The following SAP30L variants were observed in gnomAD, a reference collection of about 807,000 sequenced individuals.
The protein encoded by SAP30L is histone deacetylase complex subunit SAP30L.
Under a neutral mutation model 22.3 loss-of-function variants are expected in SAP30L, and 10 were observed. The ratio of observed to expected loss-of-function variants is 0.45; its 90% CI spans 0.28 to 0.76. SAP30L has a LOEUF of 0.76. Among genes scored for constraint, SAP30L ranks in the 30% least tolerant of loss-of-function variants. The pLI, the probability that SAP30L is intolerant of heterozygous loss-of-function variation, is 0.14. For missense variants in SAP30L, 206 were observed against 237.9 expected, an observed-to-expected ratio of 0.87 and a Z score of 0.88; for synonymous variants, 91 against 94.1, an observed-to-expected ratio of 0.97 and a Z score of 0.19.
intron 1 of SAP30L, among the ~76,000 whole-genome samples, chr5:154,448,049 C>T (rs1757062709): frequency 7.3e-6 from 1 of 137,350 alleles, no homozygotes; most frequent in African/African-American, 2.7e-5. Context: ...GATCTCGACT[C>T]ACTGCAACCT....
At position 154,446,368 on chromosome 5, in the gene SAP30L, G is replaced by A; in HGVS notation, c.-237G>A. On this transcript the variant is annotated 5_prime_UTR_variant, in exon 1 of 4. Coordinates refer to ENST00000297109, the MANE Select transcript of SAP30L (RefSeq NM_024632.6). ...CGGGTGACCCCCGGCGGGGCCCTGC[G>A]AGCCGCGGGAGCCGACCCCGGGGCC... 1.0e-5 allele frequency: 4 copies of A among 388,098 alleles called. No individual in the cohort carries two copies. In the East Asian group the frequency reaches 1.2e-4, roughly 11 times the overall value. The allele number at this position is 388,098 out of a possible 1,614,324, so 24.0% of individuals were successfully genotyped here.
rs186496048 is a variant in SAP30L, at chr5:154,447,521, C to G, written c.201+716C>G. Among the ~76,000 whole-genome samples, 33 of 152,340 alleles carry G rather than the reference C, an allele frequency of 2.2e-4. 1 individual carries two copies. The highest frequency in any genetic ancestry group is 1.7e-3 in the Admixed American group (26 of 15,306). On this transcript the variant is annotated intron_variant, in intron 1 of 3. Coordinates refer to ENST00000297109, the MANE Select transcript of SAP30L (RefSeq NM_024632.6). ...CTCCTCCCGTGTGACTTCACCACTTCTAGTTAACAATTCTGAAGCTGTGCC... is the reference window on the plus strand; with the variant it reads ...CTCCTCCCGTGTGACTTCACCACTTGTAGTTAACAATTCTGAAGCTGTGCC...
chr5:154,455,404 C>G (rs1282467089), intron 3 of SAP30L, among the ~76,000 whole-genome samples: 1 of 151,932 alleles, frequency 6.6e-6, no homozygotes, highest in Non-Finnish European at 1.5e-5. Context: ...GATGAGTTCT[C>G]CACTGTGTTG....
At position 154,459,332 on chromosome 5, in the gene SAP30L, C is replaced by T. The variant is rs778944417; in HGVS notation, c.*3304C>T. The T allele has an allele frequency of 2.0e-5, 3 of 152,252 alleles. No individual in the cohort carries two copies. The highest frequency in any genetic ancestry group is 1.9e-4 in the East Asian group (1 of 5,202). The allele number at this position is 152,252 out of a possible 1,614,324, so 9.4% of individuals were successfully genotyped here. On this transcript the variant is annotated 3_prime_UTR_variant, in exon 4 of 4. Coordinates refer to ENST00000297109, the MANE Select transcript of SAP30L (RefSeq NM_024632.6). ...TTGAGCAGTCTGGACTTAAACACCT[C>T]CGAGGACAGAGAACCCACTACCTCG...
At chr5:154,452,683 G>A (rs1032485691) in intron 2 of SAP30L, among the ~76,000 whole-genome samples, 2 of 152,110 alleles carry the variant, frequency 1.3e-5, no homozygotes, top group African/African-American at 4.8e-5. Context: ...TTCTCTGGAG[G>A]GAGGTTAAGG....
At chr5:154,452,223 A>G (rs1468730569) in intron 2 of SAP30L, among the ~76,000 whole-genome samples, 1 of 152,080 alleles carries the variant, frequency 6.6e-6, no homozygotes, top group Non-Finnish European at 1.5e-5. Context: ...TGTGGAGGAA[A>G]CCGTTGAAAA....
intron 2 of SAP30L, chr5:154,452,476 C>T: frequency 1.0e-6 from 1 of 985,048 alleles, no homozygotes; most frequent in Non-Finnish European, 1.2e-6. Flanking sequence ...CTGCCTGAAG[C>T]AAGAACAGCT....
rs1460603688 is a variant in SAP30L, at chr5:154,457,708, T to G, written c.*1680T>G. 6.6e-6 allele frequency: 1 copy of G among 152,162 alleles called. No individual in the cohort carries two copies. Among genetic ancestry groups the G allele is most frequent in the Non-Finnish European group, 1.5e-5 (1 of 68,046 alleles). 9.4% of individuals were successfully genotyped at this position (152,162 alleles called of 1,614,324 possible). On this transcript the variant is annotated 3_prime_UTR_variant, in exon 4 of 4. Coordinates refer to ENST00000297109, the MANE Select transcript of SAP30L (RefSeq NM_024632.6). ...TCTAGCAGATTGCAGCCTTTTAAAT[T>G]AAATATATATAAATGGTTGTATATA... is the stretch of plus-strand genomic sequence containing the variant.
intron 3 of SAP30L, among the ~76,000 whole-genome samples, chr5:154,454,813 C>T (rs545827313): frequency 7.2e-5 from 11 of 152,318 alleles, no homozygotes; most frequent in East Asian, 3.9e-4. Flanking sequence ...GATGCATTTT[C>T]CTTCAAACCT....
chr5:154,452,524 C>T, intron 2 of SAP30L: 1 of 976,616 alleles, frequency 1.0e-6, no homozygotes, highest in South Asian at 4.7e-5. Context: ...ACTTTATGGG[C>T]CTTCAATTTT....
rs1241227805 is a variant in SAP30L, at chr5:154,456,250, A to G, written c.*222A>G. The stretch of plus-strand genomic sequence containing the variant: ...ACTCTGGACTAAAAAAATCAGGATC[A>G]TTAAAAGAATTAAAAACTATGTATT... On this transcript the variant is annotated 3_prime_UTR_variant, in exon 4 of 4. Coordinates refer to ENST00000297109, the MANE Select transcript of SAP30L (RefSeq NM_024632.6). The G allele has an allele frequency of 2.9e-6, 1 of 348,994 alleles. No individual in the cohort carries two copies. The highest frequency in any genetic ancestry group is 5.2e-6 in the Non-Finnish European group (1 of 193,924). 21.6% of individuals were successfully genotyped at this position (348,994 alleles called of 1,614,324 possible).
chr5:154,459,561 T>A lies in SAP30L; in HGVS notation c.*3533T>A, dbSNP rs1245044325. 6.6e-6 allele frequency: 1 copy of A among 152,274 alleles called. No homozygotes were observed. Among genetic ancestry groups the A allele is most frequent in the Non-Finnish European group, 1.5e-5 (1 of 68,070 alleles). The allele number at this position is 152,274 out of a possible 1,614,324, so 9.4% of individuals were successfully genotyped here. A position where few individuals can be genotyped will look rare whatever the true frequency, so the allele number is the denominator to read the frequency against. On this transcript the variant is annotated 3_prime_UTR_variant, in exon 4 of 4. Transcript: ENST00000297109. Reference sequence around the variant, plus strand: ...CACTTTGGTACACTGTCCTTACCCCTGAGTATTAGTCCACTCAGTTCCTTG... The same window carrying A: ...CACTTTGGTACACTGTCCTTACCCCAGAGTATTAGTCCACTCAGTTCCTTG...
In SAP30L at chr5:154,446,734, A is replaced by T. The variant is rs1321826979; in HGVS notation, c.130A>T (p.Asn44Tyr). The T allele has an allele frequency of 6.2e-7, 1 of 1,607,122 alleles. No homozygotes were observed. The highest frequency in any genetic ancestry group is 8.5e-7 in the Non-Finnish European group (1 of 1,178,682). ...CGAGCGCTGCGTCCGGCCCGCGGGC[A>T]ACGCCTCCTTCAGCAAGAGGGTCCA... ...DGERCVRPAG[N>Y]ASFSKRVQKS... is the part of the protein sequence containing the mutation. The change falls in exon 1 of 4, where the codon AAC becomes TAC. Residue 44 changes from asparagine to tyrosine, a missense_variant. Around this residue, in one of 2 missense-constraint regions of SAP30L, gnomAD observed 136 missense variants for 187.4 expected, o/e 0.73. Coordinates refer to ENST00000297109, the MANE Select transcript of SAP30L (RefSeq NM_024632.6).
rs1456149180 is a variant in SAP30L, at chr5:154,446,335, G to A, written c.-270G>A. 15 of 357,470 alleles carry A rather than the reference G, an allele frequency of 4.2e-5. No individual in the cohort carries two copies. The highest frequency in any genetic ancestry group is 1.5e-5 in the Non-Finnish European group (3 of 199,784). The allele number at this position is 357,470 out of a possible 1,614,324, so 22.1% of individuals were successfully genotyped here. On this transcript the variant is annotated 5_prime_UTR_variant, in exon 1 of 4. Coordinates refer to ENST00000297109, the MANE Select transcript of SAP30L (RefSeq NM_024632.6). ...TTACGGTTCTGGGCCCCCGGCAGAA[G>A]GCTCCTCCGGGTGACCCCCGGCGGG... is the stretch of plus-strand genomic sequence containing the variant.
chr5:154,459,347 C>G lies in SAP30L; in HGVS notation c.*3319C>G, dbSNP rs1018189344. The G allele has an allele frequency of 6.6e-6, 1 of 152,244 alleles. No individual in the cohort carries two copies. Among genetic ancestry groups the G allele is most frequent in the African/African-American group, 2.4e-5 (1 of 41,460 alleles). The allele number at this position is 152,244 out of a possible 1,614,324, so 9.4% of individuals were successfully genotyped here. A position where few individuals can be genotyped will look rare whatever the true frequency, so the allele number is the denominator to read the frequency against. ...TTAAACACCTCCGAGGACAGAGAAC[C>G]CACTACCTCGTGGAGAAGCCTGTTC... On this transcript the variant is annotated 3_prime_UTR_variant, in exon 4 of 4. Coordinates refer to ENST00000297109, the MANE Select transcript of SAP30L (RefSeq NM_024632.6).
chr5:154,451,033 A>G (rs1415581681), intron 1 of SAP30L, 58 bp from the exon 2 acceptor site: 10 of 1,593,014 alleles, frequency 6.3e-6, no homozygotes, highest in Non-Finnish European at 8.6e-6. Context: ...TTCGACAGAT[A>G]CCTATTGCTG....
intron 3 of SAP30L, among the ~76,000 whole-genome samples, chr5:154,454,165 A>G (rs1347321507): frequency 6.6e-6 from 1 of 152,150 alleles, no homozygotes; most frequent in Non-Finnish European, 1.5e-5. Context: ...CAGATTAATC[A>G]TTTCAAAACC....
rs1202045915 is a variant in SAP30L, at chr5:154,460,415, C to G, written c.*4387C>G. ...AATTCAGCTGGCCCTGGCTCCTGGT[C>G]CCTGTTACTGAGCTGGGCAGTCGAA... On this transcript the variant is annotated 3_prime_UTR_variant, in exon 4 of 4. Transcript: ENST00000297109. The G allele has an allele frequency of 6.6e-6, 1 of 152,284 alleles. No homozygotes were observed. The highest frequency in any genetic ancestry group is 1.5e-5 in the Non-Finnish European group (1 of 68,082). The allele number at this position is 152,284 out of a possible 1,614,324, so 9.4% of individuals were successfully genotyped here.
chr5:154,457,533 CT>C lies in SAP30L; in HGVS notation c.*1506del, dbSNP rs1326582915. ...CACAGAGAAGTCAGGACTAAACCCC[CT>C]ACTGAGCAGGGCGGCGGAGTGTCCA... On this transcript the variant is annotated 3_prime_UTR_variant, in exon 4 of 4. Coordinates refer to ENST00000297109, the MANE Select transcript of SAP30L (RefSeq NM_024632.6). 4 of 152,192 alleles carry C rather than the reference CT, an allele frequency of 2.6e-5. No individual in the cohort carries two copies. The highest frequency in any genetic ancestry group is 4.4e-5 in the Non-Finnish European group (3 of 68,032). The allele number at this position is 152,192 out of a possible 1,614,324, so 9.4% of individuals were successfully genotyped here. A position where few individuals can be genotyped will look rare whatever the true frequency, so the allele number is the denominator to read the frequency against.
Sources: allele counts gnomAD v4.1 joint callset (sites outside exome capture counted in the v4.1 genomes callset), GRCh38; gene constraint gnomAD v4.1.1; regional missense constraint gnomAD v4.1.1; transcripts MANE v1.5; gene names NCBI Gene and HGNC (gene_info 2026-07-23, HGNC 2026-07-21).